Variants in PTPRM observed in about 807,000 individuals in gnomAD.
PTPRM encodes the protein protein tyrosine phosphatase receptor type M.
In PTPRM, 47 loss-of-function variants were observed where a neutral mutation model predicts 186.7. The ratio of observed to expected loss-of-function variants is 0.25; its 90% CI spans 0.20 to 0.32. The LOEUF is 0.32. Among genes scored for constraint, PTPRM ranks in the 10% least tolerant of loss-of-function variants. The pLI, the probability that PTPRM is intolerant of heterozygous loss-of-function variation, is 1.00. For synonymous variants in PTPRM, 668 were observed against 674.9 expected (o/e 0.99, Z 0.16); for missense variants, 1,494 against 1,865.0 (o/e 0.80, Z 3.66).
rs146218734 is a variant in PTPRM, at chr18:7,924,612, G to C, written c.548-1956G>C. ...TAAAATGAACAGTCTTTAAGGATAG[G>C]TGTGTGGTTTTAATAATTGTAAGTA... On this transcript the variant is annotated intron_variant, in intron 4 of 32. Coordinates refer to ENST00000580170, the MANE Select transcript of PTPRM (RefSeq NM_001105244.2). Among the ~76,000 whole-genome samples, 1,499 of 152,226 alleles carry C rather than the reference G, an allele frequency of 9.8e-3. 26 individuals carry two copies. The highest frequency in any genetic ancestry group is 0.034 in the African/African-American group (1,404 of 41,516).
At chr18:7,681,798 A>T (rs901600074) in intron 1 of PTPRM, among the ~76,000 whole-genome samples, 34 of 152,174 alleles carry the variant, frequency 2.2e-4, no homozygotes, top group African/African-American at 8.2e-4. Flanking sequence ...TGGTCTTCTC[A>T]TACCTATGGC....
chr18:8,102,830 A>G (rs2091349173), intron 11 of PTPRM, among the ~76,000 whole-genome samples: 1 of 152,228 alleles, frequency 6.6e-6, no homozygotes, highest in South Asian at 2.1e-4. Flanking sequence ...GAATAATTAT[A>G]TATGGCAGCT....
chr18:7,801,082 A>G (rs2043940192), intron 2 of PTPRM, among the ~76,000 whole-genome samples: 1 of 152,118 alleles, frequency 6.6e-6, no homozygotes, highest in Non-Finnish European at 1.5e-5. Flanking sequence ...TTTTATAAAC[A>G]CTGTGCACTT....
chr18:8,028,580 C>A (rs2085729050), intron 7 of PTPRM, among the ~76,000 whole-genome samples: 2 of 152,156 alleles, frequency 1.3e-5, no homozygotes, highest in Non-Finnish European at 2.9e-5. Flanking sequence ...TATGTGTAAA[C>A]CATATGTGTA....
chr18:8,355,056 CAG>C (rs372772217), intron 23 of PTPRM, among the ~76,000 whole-genome samples: 1 of 152,166 alleles, frequency 6.6e-6, no homozygotes, highest in African/African-American at 2.4e-5. Context: ...ACAGACAAGA[CAG>C]AAGGGGATGC....
At chr18:7,944,467 C>T (rs2052387554) in intron 5 of PTPRM, among the ~76,000 whole-genome samples, 1 of 152,176 alleles carries the variant, frequency 6.6e-6, no homozygotes, top group Non-Finnish European at 1.5e-5. Flanking sequence ...GTTTGTGTTA[C>T]CTCTTTGCCT....
At chr18:8,160,762 G>A (rs540363368) in intron 14 of PTPRM, among the ~76,000 whole-genome samples, 1 of 152,110 alleles carries the variant, frequency 6.6e-6, no homozygotes, top group South Asian at 2.1e-4. Context: ...AGCTCTTCTC[G>A]CTGTTAGCTG....
intron 2 of PTPRM, among the ~76,000 whole-genome samples, chr18:7,848,779 AAAAAT>A (rs1470699995): frequency 1.3e-5 from 2 of 152,194 alleles, no homozygotes; most frequent in Non-Finnish European, 2.9e-5. Context: ...CAAAAATTTT[AAAAAT>A]AAAATAAAAT....
intron 14 of PTPRM, among the ~76,000 whole-genome samples, chr18:8,159,550 T>C (rs1314662643): frequency 6.6e-6 from 1 of 152,240 alleles, no homozygotes; most frequent in Non-Finnish European, 1.5e-5. Flanking sequence ...TTATTATGTT[T>C]CTGTGATGAC....
At chr18:8,229,503 T>C (rs937618575) in intron 14 of PTPRM, among the ~76,000 whole-genome samples, 3 of 152,208 alleles carry the variant, frequency 2.0e-5, no homozygotes, top group African/African-American at 7.2e-5. Context: ...TAAAAATTAT[T>C]TAACATATAA....
At chr18:7,736,734 A>G (rs919300419) in intron 1 of PTPRM, among the ~76,000 whole-genome samples, 2 of 152,138 alleles carry the variant, frequency 1.3e-5, no homozygotes, top group Non-Finnish European at 2.9e-5. Flanking sequence ...CTTCTATACA[A>G]TGTCTGGAAT....
intron 11 of PTPRM, among the ~76,000 whole-genome samples, chr18:8,106,362 G>C (rs1450742789): frequency 2.0e-5 from 3 of 152,122 alleles, no homozygotes; most frequent in Non-Finnish European, 4.4e-5. Flanking sequence ...TTAATTCAGG[G>C]AGAATGTTGG....
In PTPRM at chr18:7,842,943, T is replaced by G. The variant is rs934684760; in HGVS notation, c.197-45163T>G. Reference sequence around the variant, plus strand: ...GTGTGTGTGTGTGTATATATATATATATATAGAGAGAGAGAGAGAGAGAGA... The same window carrying G: ...GTGTGTGTGTGTGTATATATATATAGATATAGAGAGAGAGAGAGAGAGAGA... On this transcript the variant is annotated intron_variant, in intron 2 of 32. Coordinates refer to ENST00000580170, the MANE Select transcript of PTPRM (RefSeq NM_001105244.2). Among the ~76,000 whole-genome samples the G allele has an allele frequency of 1.2e-4, 14 of 119,838 alleles. No homozygotes were observed. The East Asian group carries it at 1.7e-3, about 15-fold the overall frequency. 78.6% of individuals were successfully genotyped at this position (119,838 alleles called of 152,430 possible).
intron 1 of PTPRM, among the ~76,000 whole-genome samples, chr18:7,581,642 G>A (rs2036848009): frequency 6.7e-6 from 1 of 150,346 alleles, no homozygotes; most frequent in African/African-American, 2.4e-5. Flanking sequence ...TTTTGTGTGT[G>A]CATGTTTCAT....
intron 4 of PTPRM, among the ~76,000 whole-genome samples, 195 bp downstream of exon 4, chr18:7,906,778 CTT>C (rs1419869593): frequency 6.6e-6 from 1 of 152,174 alleles, no homozygotes; most frequent in Non-Finnish European, 1.5e-5. Context: ...TTGTATAAGT[CTT>C]TTAAAATTTG....
At chr18:7,963,747 A>G (rs1343072008) in intron 7 of PTPRM, among the ~76,000 whole-genome samples, 1 of 152,174 alleles carries the variant, frequency 6.6e-6, no homozygotes, top group Non-Finnish European at 1.5e-5. Context: ...TTGTCTGTCT[A>G]TCTGTGAGGG....
At chr18:8,276,126 ACTCCTGC>A (rs1228064826) in intron 19 of PTPRM, among the ~76,000 whole-genome samples, 1 of 151,416 alleles carries the variant, frequency 6.6e-6, no homozygotes, top group Non-Finnish European at 1.5e-5. Flanking sequence ...GACCAGCTCA[ACTCCTGC>A]CTCCTCCTTG....
chr18:8,196,950 C>G (rs2093786949), intron 14 of PTPRM, among the ~76,000 whole-genome samples: 1 of 152,116 alleles, frequency 6.6e-6, no homozygotes, highest in Non-Finnish European at 1.5e-5. Context: ...ACGGAAGAAC[C>G]ATGAAGGATG....
intron 2 of PTPRM, among the ~76,000 whole-genome samples, chr18:7,872,790 T>G (rs952362587): frequency 6.6e-6 from 1 of 152,218 alleles, no homozygotes; most frequent in Non-Finnish European, 1.5e-5. Context: ...ATTTTGGCAC[T>G]TAATAGATAA....
Sources: allele counts gnomAD v4.1 joint callset (sites outside exome capture counted in the v4.1 genomes callset), GRCh38; gene constraint gnomAD v4.1.1; transcripts MANE v1.5; gene names NCBI Gene and HGNC (gene_info 2026-07-23, HGNC 2026-07-21).